KREMEN1: variants seen among roughly 807,000 people sequenced by gnomAD.
The protein encoded by KREMEN1 is kremen protein 1.
Under a neutral mutation model 46.5 loss-of-function variants are expected in KREMEN1, and 30 were observed. That is an observed-to-expected ratio of 0.65 (90% CI 0.48 to 0.88). The LOEUF (loss-of-function observed/expected upper bound fraction) is 0.88, where lower values mean the gene tolerates loss of function less well. KREMEN1 is among the 40% of genes least tolerant of loss of function. The probability of loss-of-function intolerance (pLI) is 0.00; values close to 1 mark genes in which losing one functional copy is unlikely to be tolerated. For missense variants in KREMEN1, 533 were observed against 596.9 expected (o/e 0.89, Z 1.11); for synonymous variants, 214 against 230.6 (o/e 0.93, Z 0.65).
intron 3 of KREMEN1, among the ~76,000 whole-genome samples, chr22:29,102,945 G>A (rs181724520): frequency 1.2e-3 from 176 of 152,210 alleles, no homozygotes; most frequent in Non-Finnish European, 2.1e-3. Flanking sequence ...TGGGGACCAG[G>A]GCTCCCCATC....
intron 3 of KREMEN1, among the ~76,000 whole-genome samples, chr22:29,118,205 T>C (rs1014029837): frequency 1.8e-4 from 27 of 152,208 alleles, no homozygotes; most frequent in Admixed American, 1.8e-3. Flanking sequence ...GGCATATTGC[T>C]TCATTATTGC....
At chr22:29,095,671 G>A (rs987894826) in intron 2 of KREMEN1, among the ~76,000 whole-genome samples, 1 of 152,120 alleles carries the variant, frequency 6.6e-6, no homozygotes, top group Non-Finnish European at 1.5e-5. Context: ...TTCCTGTATT[G>A]TATGGGCCAC....
At chr22:29,129,928 T>C (rs1462145173) in intron 5 of KREMEN1, among the ~76,000 whole-genome samples, 1 of 152,138 alleles carries the variant, frequency 6.6e-6, no homozygotes, top group East Asian at 1.9e-4. Context: ...ATTTATTGAA[T>C]TAACATAACC....
exon 10 of KREMEN1, chr22:29,167,317 C>T (rs1429035875): frequency 1.7e-6 from 1 of 576,640 alleles, no homozygotes; most frequent in African/African-American, 1.9e-5. Context: ...TATGATCACA[C>T]CACCACACTC....
At chr22:29,122,962 A>G (rs1232074009) in intron 4 of KREMEN1, among the ~76,000 whole-genome samples, 2 of 150,598 alleles carry the variant, frequency 1.3e-5, no homozygotes, top group African/African-American at 4.9e-5. Context: ...AAAAAAAAAA[A>G]AAAAGACATA....
rs2039025132 is a variant in KREMEN1, at chr22:29,163,093, A to G, written c.1417-3951A>G. ...CCTGCTTGCCAAGGAGGGACCTGTA[A>G]TCCCCACGTGTTGAGGGAGGGAAGG... On this transcript the variant is annotated intron_variant, in intron 9 of 9. Coordinates refer to the KREMEN1 transcript ENST00000327813. Among the ~76,000 whole-genome samples the G allele has an allele frequency of 2.6e-5, 4 of 151,906 alleles. No individual in the cohort carries two copies. In the South Asian group the frequency reaches 8.3e-4, roughly 32 times the overall value.
At chr22:29,141,064 G>C (rs1000633816) in intron 8 of KREMEN1, among the ~76,000 whole-genome samples, 2 of 152,156 alleles carry the variant, frequency 1.3e-5, no homozygotes, top group African/African-American at 4.8e-5. Flanking sequence ...ACTAAAAGCT[G>C]TCTTTTTCCT....
chr22:29,113,718 G>T (rs561803474), intron 3 of KREMEN1, among the ~76,000 whole-genome samples: 1 of 152,316 alleles, frequency 6.6e-6, no homozygotes, highest in South Asian at 2.1e-4. Context: ...TGGACACATG[G>T]TGGTGGCACC....
At chr22:29,119,026 G>C (rs1443185044) in intron 3 of KREMEN1, among the ~76,000 whole-genome samples, 2 of 151,996 alleles carry the variant, frequency 1.3e-5, no homozygotes, top group African/African-American at 4.8e-5. Flanking sequence ...CAGAACTCAG[G>C]GAAACACACT....
chr22:29,103,247 GTT>G (rs1314667287), intron 3 of KREMEN1, among the ~76,000 whole-genome samples: 47 of 152,264 alleles, frequency 3.1e-4, no homozygotes, highest in Middle Eastern at 3.4e-3. Context: ...TTCCTGGAAA[GTT>G]CATATCTGAA....
chr22:29,122,026 G>A (rs527745574), intron 4 of KREMEN1, among the ~76,000 whole-genome samples: 2 of 152,042 alleles, frequency 1.3e-5, no homozygotes, highest in Non-Finnish European at 2.9e-5. Flanking sequence ...AATATGAAAG[G>A]CAGACCACAG....
Position 29,146,471 on chromosome 22 carries a change from T to G in KREMEN1, c.*4359T>G. ...AATCTGCTTCAGAAAGGAAGGGTCT[T>G]TAGACACAAAGACTGGAGGCCCTTC... On this transcript the variant is annotated 3_prime_UTR_variant, in exon 9 of 9. Transcript: ENST00000400335. The G allele has an allele frequency of 1.0e-6, 1 of 985,560 alleles. No homozygotes were observed. Among genetic ancestry groups the G allele is most frequent in the South Asian group, 4.7e-5 (1 of 21,284 alleles). 61.1% of individuals were successfully genotyped at this position (985,560 alleles called of 1,614,324 possible). A position where few individuals can be genotyped will look rare whatever the true frequency, so the allele number is the denominator to read the frequency against.
At chr22:29,150,481 C>T (rs2038906758), downstream of KREMEN1, among the ~76,000 whole-genome samples, 1 of 152,264 alleles carries the variant, frequency 6.6e-6, no homozygotes, top group Non-Finnish European at 1.5e-5. Context: ...ACAGCCAGGG[C>T]TTTCGCAACA....
At chr22:29,136,981 AGAT>A (rs1483104178) in intron 5 of KREMEN1, among the ~76,000 whole-genome samples, 1 of 152,190 alleles carries the variant, frequency 6.6e-6, no homozygotes, top group African/African-American at 2.4e-5. Flanking sequence ...ATACAGGAGC[AGAT>A]GGTGCTCTCT....
intron 2 of KREMEN1, among the ~76,000 whole-genome samples, chr22:29,095,874 T>TA (rs10649506): frequency 0.058 from 8,350 of 144,994 alleles, 272 homozygotes; most frequent in East Asian, 0.13. Flanking sequence ...AGCTTATTCT[T>TA]AAAAAAAAAA....
chr22:29,122,395 T>C lies in KREMEN1; in HGVS notation c.477+914T>C, dbSNP rs868278472. 6.7e-4 allele frequency among the ~76,000 whole-genome samples: 102 copies of C among 152,212 alleles called. 1 individual carries two copies. The highest frequency in any genetic ancestry group is 3.2e-3 in the Middle Eastern group (1 of 316). ...ATGCTACAGCTTCTTTGAAGAAAGATCTTAAAGTTTCTTTCAAAGTTAAAT... is the reference window on the plus strand; with the variant it reads ...ATGCTACAGCTTCTTTGAAGAAAGACCTTAAAGTTTCTTTCAAAGTTAAAT... On this transcript the variant is annotated intron_variant, in intron 4 of 8. Coordinates refer to ENST00000400335, the MANE Select transcript of KREMEN1 (RefSeq NM_001039570.3).
chr22:29,085,313 G>A (rs2037712368), intron 1 of KREMEN1, among the ~76,000 whole-genome samples: 1 of 152,118 alleles, frequency 6.6e-6, no homozygotes. Context: ...CATGGCTAAT[G>A]TTATTTCATC....
chr22:29,156,867 C>A (rs1003396703), intron 9 of KREMEN1, among the ~76,000 whole-genome samples: 8 of 152,310 alleles, frequency 5.3e-5, no homozygotes, highest in Admixed American at 2.0e-4. Context: ...CCCAGCAACC[C>A]CATGAGGTAG....
At chr22:29,110,505 G>A (rs1398842738) in intron 3 of KREMEN1, among the ~76,000 whole-genome samples, 1 of 152,154 alleles carries the variant, frequency 6.6e-6, no homozygotes, top group South Asian at 2.1e-4. Context: ...CAGAAACTAA[G>A]TTTCAGAGAA....
Sources: allele counts gnomAD v4.1 joint callset (sites outside exome capture counted in the v4.1 genomes callset), GRCh38; gene constraint gnomAD v4.1.1; transcripts MANE v1.5; gene names NCBI Gene and HGNC (gene_info 2026-07-23, HGNC 2026-07-21).